CSMD1: variants seen among roughly 807,000 people sequenced by gnomAD.
CSMD1 encodes the protein CUB and sushi domain-containing protein 1.
A neutral mutation model predicts 417.5 loss-of-function variants in CSMD1; 213 were observed. The ratio of observed to expected loss-of-function variants is 0.51; its 90% CI spans 0.46 to 0.57. The LOEUF is 0.57. Among genes scored for constraint, CSMD1 ranks in the 20% least tolerant of loss-of-function variants. The pLI, the probability that CSMD1 is intolerant of heterozygous loss-of-function variation, is 0.00. For synonymous variants in CSMD1, 2,862 were observed against 1,736.8 expected (o/e 1.65, Z -16.11); for missense variants, 6,923 against 4,529.7 (o/e 1.53, Z -15.17).
intron 5 of CSMD1, among the ~76,000 whole-genome samples, chr8:3,853,002 T>C (rs1447417211): frequency 6.6e-6 from 1 of 152,158 alleles, no homozygotes; most frequent in African/African-American, 2.4e-5. Flanking sequence ...TGACTTGACA[T>C]CACCTCGTCC....
chr8:3,983,705 G>C (rs747891753), intron 5 of CSMD1, among the ~76,000 whole-genome samples: 1 of 152,196 alleles, frequency 6.6e-6, no homozygotes, highest in Non-Finnish European at 1.5e-5. Context: ...CATGGATTGG[G>C]GGCCATTGCT....
rs561733238 is a variant in CSMD1 at position 3,186,404 on chromosome 8, T to G, written c.5620+1465A>C. ...TAAAAGTTCCTAAAAGTATAAATAG[T>G]ACACAGGCAGACAAACATGGATTGT... On this transcript the variant is annotated intron_variant, in intron 36 of 69. Coordinates refer to ENST00000635120, the MANE Select transcript of CSMD1 (RefSeq NM_033225.6). 1.1e-4 allele frequency among the ~76,000 whole-genome samples: 17 copies of G among 152,284 alleles called. No homozygotes were observed. In the South Asian group the frequency reaches 3.5e-3, roughly 32 times the overall value.
At chr8:3,849,350 G>C (rs1405406943) in intron 5 of CSMD1, among the ~76,000 whole-genome samples, 1 of 152,148 alleles carries the variant, frequency 6.6e-6, no homozygotes, top group African/African-American at 2.4e-5. Context: ...GAAGTGGAGA[G>C]AGGTGGGGTC....
At chr8:4,258,644 A>C (rs1803656050) in intron 3 of CSMD1, among the ~76,000 whole-genome samples, 1 of 151,712 alleles carries the variant, frequency 6.6e-6, no homozygotes, top group African/African-American at 2.4e-5. Flanking sequence ...GGCCCCACCT[A>C]CCCTCAGAAC....
chr8:4,734,878 C>T (rs928054626), intron 1 of CSMD1, among the ~76,000 whole-genome samples: 8 of 152,156 alleles, frequency 5.3e-5, no homozygotes, highest in Non-Finnish European at 1.2e-4. Context: ...GTGTTTACCC[C>T]AGCCAGCAGC....
At chr8:4,650,505 G>A (rs1204471374) in intron 1 of CSMD1, among the ~76,000 whole-genome samples, 1 of 152,074 alleles carries the variant, frequency 6.6e-6, no homozygotes, top group African/African-American at 2.4e-5. Flanking sequence ...CAAAGCCCTG[G>A]CTTCTGCCTC....
intron 12 of CSMD1, among the ~76,000 whole-genome samples, chr8:3,411,535 C>A (rs1344217903): frequency 6.6e-6 from 1 of 151,636 alleles, no homozygotes; most frequent in Non-Finnish European, 1.5e-5. Context: ...TGAGTGAGAA[C>A]ATATGATGTT....
intron 11 of CSMD1, among the ~76,000 whole-genome samples, chr8:3,475,426 T>A (rs999640974): frequency 2.6e-5 from 4 of 152,242 alleles, no homozygotes; most frequent in African/African-American, 9.6e-5. Context: ...TTAAATTTTA[T>A]AGGAATATTT....
In CSMD1 at chr8:4,624,889, G is replaced by C. The variant is rs183266718; in HGVS notation, c.302+12453C>G. Among the ~76,000 whole-genome samples the C allele has an allele frequency of 8.4e-3, 1,284 of 152,220 alleles. 84 individuals carry two copies. The highest frequency in any genetic ancestry group is 0.077 in the Admixed American group (1,178 of 15,274). On this transcript the variant is annotated intron_variant, in intron 2 of 69. Coordinates refer to ENST00000635120, the MANE Select transcript of CSMD1 (RefSeq NM_033225.6). ...GTTTCCATTCGGGGTGGTGGGCAGA[G>C]AAGGCACTGGCATTCTTTTTTAAAA...
intron 2 of CSMD1, among the ~76,000 whole-genome samples, chr8:4,507,665 G>A (rs1802598036): frequency 6.6e-6 from 1 of 152,138 alleles, no homozygotes. Flanking sequence ...AGATATCTGA[G>A]CAAGGCAATG....
Position 4,105,571 on chromosome 8 carries a change from A to C in CSMD1, c.416-73472T>G, listed in dbSNP as rs373624484. Among the ~76,000 whole-genome samples, 7 of 152,266 alleles carry C rather than the reference A, an allele frequency of 4.6e-5. No homozygotes were observed. In the East Asian group the frequency reaches 9.7e-4, roughly 21 times the overall value. On this transcript the variant is annotated intron_variant, in intron 3 of 69. Transcript: ENST00000635120. Reference sequence around the variant, plus strand: ...AAAAATACGACAAATAAGCAAATTCATTGTCTATGAGTAGGTGATGAGGGC... The same window carrying C: ...AAAAATACGACAAATAAGCAAATTCCTTGTCTATGAGTAGGTGATGAGGGC...
At chr8:4,021,262 C>T (rs996729000) in intron 4 of CSMD1, among the ~76,000 whole-genome samples, 2 of 152,198 alleles carry the variant, frequency 1.3e-5, no homozygotes, top group Admixed American at 6.5e-5. Context: ...TTACAGTTTA[C>T]ATTAATTCTG....
chr8:3,879,584 T>G (rs572895950), intron 5 of CSMD1, among the ~76,000 whole-genome samples: 1 of 152,188 alleles, frequency 6.6e-6, no homozygotes, highest in East Asian at 1.9e-4. Context: ...AACAATCACA[T>G]AGCTATCAGA....
At chr8:4,896,399 C>A (rs1015755058) in intron 1 of CSMD1, among the ~76,000 whole-genome samples, 9 of 152,074 alleles carry the variant, frequency 5.9e-5, no homozygotes, top group Admixed American at 2.0e-4. Context: ...TATTTACTCG[C>A]TTCGATTATT....
chr8:3,748,622 T>G (rs1336434626), intron 6 of CSMD1, among the ~76,000 whole-genome samples: 2 of 152,232 alleles, frequency 1.3e-5, no homozygotes, highest in Non-Finnish European at 1.5e-5. Flanking sequence ...TACTCCTAGA[T>G]AGAGCTCTGG....
At chr8:4,557,070 A>T (rs1798127842) in intron 2 of CSMD1, among the ~76,000 whole-genome samples, 1 of 152,222 alleles carries the variant, frequency 6.6e-6, no homozygotes, top group South Asian at 2.1e-4. Flanking sequence ...CTTATGGGTC[A>T]TGAAACATAC....
At chr8:4,900,492 A>G (rs923052404) in intron 1 of CSMD1, among the ~76,000 whole-genome samples, 7 of 152,116 alleles carry the variant, frequency 4.6e-5, no homozygotes, top group Admixed American at 4.6e-4. Flanking sequence ...ACCCTGGCCC[A>G]GGCTGTCATC....
chr8:4,139,649 C>G (rs1234499501), intron 3 of CSMD1, among the ~76,000 whole-genome samples: 1 of 151,124 alleles, frequency 6.6e-6, no homozygotes, highest in Non-Finnish European at 1.5e-5. Flanking sequence ...CCAGCAGATG[C>G]AAGGGCAAAG....
intron 5 of CSMD1, among the ~76,000 whole-genome samples, chr8:3,996,786 A>C (rs926813756): frequency 1.3e-5 from 2 of 152,236 alleles, no homozygotes; most frequent in Non-Finnish European, 2.9e-5. Flanking sequence ...CAAGCACAAT[A>C]AAATCAACCA....
Sources: gnomAD v4.1 joint callset for allele counts (sites outside exome capture counted in the v4.1 genomes callset) on GRCh38, gnomAD v4.1.1 for gene constraint, MANE v1.5 for transcripts, NCBI Gene and HGNC (gene_info 2026-07-23, HGNC 2026-07-21) for gene names.